The following COL26A1 variants were observed in gnomAD, a reference collection of about 807,000 sequenced individuals.
The protein encoded by COL26A1 is collagen alpha-1(XXVI) chain.
Under a neutral mutation model 59.3 loss-of-function variants are expected in COL26A1, and 41 were observed. The ratio of observed to expected loss-of-function variants is 0.69; its 90% CI spans 0.54 to 0.90. COL26A1 has a LOEUF of 0.90. Ranked by LOEUF, COL26A1 falls within the 40% of genes least tolerant of loss-of-function variation. COL26A1 has a pLI of 0.00. For synonymous variants in COL26A1, 266 were observed against 256.0 expected, an observed-to-expected ratio of 1.04 and a Z score of -0.37; for missense variants, 612 against 602.3, an observed-to-expected ratio of 1.02 and a Z score of -0.17.
intron 3 of COL26A1, among the ~76,000 whole-genome samples, chr7:101,489,839 T>TC (rs1794401454): frequency 4.4e-5 from 1 of 22,710 alleles, no homozygotes; most frequent in Non-Finnish European, 6.9e-5. Context: ...TCTTTCTTTC[T>TC]TTCTTTCTTT....
intron 1 of COL26A1, among the ~76,000 whole-genome samples, chr7:101,366,862 T>C (rs1291241359): frequency 1.3e-5 from 2 of 152,146 alleles, no homozygotes; most frequent in African/African-American, 4.8e-5. Context: ...TGCTTATTGG[T>C]TATTCTGTCT....
intron 3 of COL26A1, among the ~76,000 whole-genome samples, chr7:101,495,646 C>T (rs1050324397): frequency 2.7e-4 from 41 of 151,420 alleles, no homozygotes; most frequent in African/African-American, 9.9e-4. Flanking sequence ...GTCTCAATCT[C>T]CTGACCTTGT....
In COL26A1 at chr7:101,511,104, A is replaced by G. The variant is rs370710225; in HGVS notation, c.386-21978A>G. On this transcript the variant is annotated intron_variant, in intron 3 of 12. Coordinates refer to ENST00000313669, the MANE Select transcript of COL26A1 (RefSeq NM_001278563.3). ...TTTTAGTAGAGACAGGGGTTTCACC[A>G]TGTTAGCCAGGATGGTCTCGATCTC... is the stretch of plus-strand genomic sequence containing the variant. 1.2e-4 allele frequency among the ~76,000 whole-genome samples: 18 copies of G among 151,296 alleles called. No homozygotes were observed. In the East Asian group the frequency reaches 2.6e-3, roughly 22 times the overall value.
intron 9 of COL26A1, among the ~76,000 whole-genome samples, chr7:101,550,815 A>G (rs1247428291): frequency 7.2e-6 from 1 of 139,124 alleles, no homozygotes; most frequent in Non-Finnish European, 1.6e-5. Flanking sequence ...AGTTCTCTCC[A>G]CACACCGGAC....
At chr7:101,363,332 TG>T in intron 1 of COL26A1, 142 bp downstream of exon 1, 2 of 258,952 alleles carry the variant, frequency 7.7e-6, no homozygotes, top group Non-Finnish European at 1.0e-5. Context: ...CAGCGGGGAC[TG>T]GGGGCTGCAG....
At chr7:101,542,668 C>A (rs1795641032) in intron 5 of COL26A1, among the ~76,000 whole-genome samples, 1 of 152,182 alleles carries the variant, frequency 6.6e-6, no homozygotes, top group South Asian at 2.1e-4. Flanking sequence ...CAGGTGGCCT[C>A]CAGTGGCCAG....
intron 3 of COL26A1, among the ~76,000 whole-genome samples, chr7:101,460,877 A>G (rs1434307571): frequency 6.6e-6 from 1 of 152,014 alleles, no homozygotes; most frequent in African/African-American, 2.4e-5. Context: ...TCTTGGAAGC[A>G]CTGGTTGCTC....
rs760943824 is a variant in COL26A1, at chr7:101,419,965, C to G, written c.159-12C>G. ...ACAGGCAGGGCTCATGTGACTGTTG[C>G]TCTCTCCACAGGCACTGGTGCCATC... is the stretch of plus-strand genomic sequence containing the variant. On this transcript the variant is annotated splice_polypyrimidine_tract_variant and intron_variant, in intron 1 of 12. Coordinates refer to ENST00000313669, the MANE Select transcript of COL26A1 (RefSeq NM_001278563.3). 2.5e-6 allele frequency: 4 copies of G among 1,613,056 alleles called. No homozygotes were observed. In the South Asian group the frequency reaches 4.4e-5, roughly 18 times the overall value.
intron 1 of COL26A1, among the ~76,000 whole-genome samples, chr7:101,401,550 A>T (rs993932074): frequency 6.7e-6 from 1 of 148,232 alleles, no homozygotes; most frequent in Admixed American, 6.7e-5. Flanking sequence ...GAAGAGGAAG[A>T]GTAGGAGGAA....
chr7:101,529,698 T>G (rs1328488345), intron 3 of COL26A1, among the ~76,000 whole-genome samples: 1 of 152,208 alleles, frequency 6.6e-6, no homozygotes, highest in Non-Finnish European at 1.5e-5. Context: ...GCTTCTGAGT[T>G]TGTTCGCTCA....
chr7:101,528,556 C>T (rs114240286), intron 3 of COL26A1, among the ~76,000 whole-genome samples: 4,564 of 151,434 alleles, frequency 0.03, 85 homozygotes, highest in African/African-American at 0.036. Context: ...TCTCCCTTCC[C>T]CTCCCCTCTC....
chr7:101,387,485 C>A (rs925153570), intron 1 of COL26A1, among the ~76,000 whole-genome samples: 9 of 150,746 alleles, frequency 6.0e-5, no homozygotes, highest in Non-Finnish European at 1.2e-4. Flanking sequence ...ACATTTTAAA[C>A]TTTTTATTAT....
intron 1 of COL26A1, among the ~76,000 whole-genome samples, chr7:101,383,013 G>C (rs1461224721): frequency 1.3e-5 from 2 of 152,152 alleles, no homozygotes; most frequent in East Asian, 1.9e-4. Context: ...CTGCACTCCA[G>C]CCTGGGTGAC....
intron 3 of COL26A1, among the ~76,000 whole-genome samples, chr7:101,448,529 G>C (rs905991868): frequency 6.6e-6 from 1 of 151,426 alleles, no homozygotes; most frequent in African/African-American, 2.4e-5. Flanking sequence ...GTCTCACTCT[G>C]TTGCCCAGGC....
chr7:101,379,085 C>T (rs1265575315), intron 1 of COL26A1, among the ~76,000 whole-genome samples: 1 of 152,098 alleles, frequency 6.6e-6, no homozygotes, highest in East Asian at 1.9e-4. Flanking sequence ...TGGCTTCTGA[C>T]ATTTTTGTCA....
intron 3 of COL26A1, among the ~76,000 whole-genome samples, chr7:101,466,233 C>T: frequency 6.6e-6 from 1 of 152,132 alleles, no homozygotes; most frequent in East Asian, 1.9e-4. Context: ...ATTTGCTCAT[C>T]TATAAAGTGA....
At chr7:101,529,925 T>G (rs1479921909) in intron 3 of COL26A1, among the ~76,000 whole-genome samples, 1 of 152,126 alleles carries the variant, frequency 6.6e-6, no homozygotes, top group Admixed American at 6.6e-5. Context: ...TGCTTTCAAG[T>G]AGACAACCCC....
chr7:101,365,734 C>T (rs1178222188), intron 1 of COL26A1, among the ~76,000 whole-genome samples: 1 of 151,926 alleles, frequency 6.6e-6, no homozygotes, highest in Admixed American at 6.6e-5. Flanking sequence ...CCTAAGAGAA[C>T]CTACTGGCCG....
At chr7:101,453,934 T>TG (rs1427946791) in intron 3 of COL26A1, among the ~76,000 whole-genome samples, 4 of 152,094 alleles carry the variant, frequency 2.6e-5, no homozygotes. Flanking sequence ...TGTGGTTCAG[T>TG]GGGGTTTCCC....
Sources: allele counts gnomAD v4.1 joint callset (sites outside exome capture counted in the v4.1 genomes callset), GRCh38; gene constraint gnomAD v4.1.1; transcripts MANE v1.5; gene names NCBI Gene and HGNC (gene_info 2026-07-23, HGNC 2026-07-21).